The following ZNF704 variants were observed in gnomAD, a reference collection of about 807,000 sequenced individuals.
ZNF704 encodes glucocorticoid induced gene 1.
A neutral mutation model predicts 44.7 loss-of-function variants in ZNF704; 10 were observed. That is an observed-to-expected ratio of 0.22 (90% CI 0.14 to 0.38). The LOEUF (loss-of-function observed/expected upper bound fraction) is 0.38, where lower values mean the gene tolerates loss of function less well. Among genes scored for constraint, ZNF704 ranks in the 10% least tolerant of loss-of-function variants. The pLI is 1.00. For missense variants in ZNF704, 390 were observed against 545.5 expected (o/e 0.71, Z 2.84); for synonymous variants, 211 against 207.6 (o/e 1.02, Z -0.14).
intron 2 of ZNF704, among the ~76,000 whole-genome samples, chr8:80,720,257 T>A (rs1487867908): frequency 6.6e-6 from 1 of 152,236 alleles, no homozygotes; most frequent in Non-Finnish European, 1.5e-5. Flanking sequence ...CCTTTGGAAG[T>A]CATCCCTAAG....
rs1334503263 is a variant in ZNF704 at position 80,629,326 on chromosome 8, C to A, written c.*12040G>T. 1 of 152,140 alleles carries A rather than the reference C, an allele frequency of 6.6e-6. No homozygotes were observed. Among genetic ancestry groups the A allele is most frequent in the Non-Finnish European group, 1.5e-5 (1 of 68,024 alleles). 9.4% of individuals were successfully genotyped at this position (152,140 alleles called of 1,614,324 possible). A position where few individuals can be genotyped will look rare whatever the true frequency, so the allele number is the denominator to read the frequency against. On this transcript the variant is annotated 3_prime_UTR_variant, in exon 9 of 9. Coordinates refer to ENST00000327835, the MANE Select transcript of ZNF704 (RefSeq NM_001033723.3). Reference sequence around the variant, plus strand: ...TTTGGCTAAAAATCATATAAAAAGACACAATGCCCCTTCCCCAATAACTTC... The same window carrying A: ...TTTGGCTAAAAATCATATAAAAAGAAACAATGCCCCTTCCCCAATAACTTC...
At chr8:80,731,358 A>G (rs922964223) in intron 2 of ZNF704, among the ~76,000 whole-genome samples, 1 of 152,204 alleles carries the variant, frequency 6.6e-6, no homozygotes, top group African/African-American at 2.4e-5. Flanking sequence ...AGACCAAGGA[A>G]TGGTATATGT....
At chr8:80,824,021 C>T (rs1808325843) in intron 1 of ZNF704, among the ~76,000 whole-genome samples, 1 of 152,190 alleles carries the variant, frequency 6.6e-6, no homozygotes, top group Non-Finnish European at 1.5e-5. Flanking sequence ...CACCTCTTCT[C>T]CTCCAAAGAA....
At chr8:80,655,013 A>C (rs1278211201) in intron 7 of ZNF704, among the ~76,000 whole-genome samples, 1 of 152,228 alleles carries the variant, frequency 6.6e-6, no homozygotes, top group African/African-American at 2.4e-5. Flanking sequence ...ATGCAGCCAT[A>C]AAAAATGATG....
intron 2 of ZNF704, among the ~76,000 whole-genome samples, chr8:80,730,127 G>C (rs897484405): frequency 2.6e-5 from 4 of 152,138 alleles, no homozygotes; most frequent in African/African-American, 9.7e-5. Flanking sequence ...AGTCACATGA[G>C]AAGGAAATAG....
chr8:80,723,031 A>G (rs571609953), intron 2 of ZNF704, among the ~76,000 whole-genome samples: 1 of 152,380 alleles, frequency 6.6e-6, no homozygotes, highest in South Asian at 2.1e-4. Flanking sequence ...TAACCTAGAA[A>G]TAATATTTGA....
chr8:80,695,855 C>A (rs544038500), intron 2 of ZNF704, among the ~76,000 whole-genome samples: 1 of 152,096 alleles, frequency 6.6e-6, no homozygotes, highest in Non-Finnish European at 1.5e-5. Flanking sequence ...ATTTGGATTA[C>A]CTTTAAGTTT....
intron 2 of ZNF704, among the ~76,000 whole-genome samples, chr8:80,816,977 A>G (rs1357490952): frequency 6.6e-6 from 1 of 152,214 alleles, no homozygotes; most frequent in African/African-American, 2.4e-5. Context: ...CAAGAAACTC[A>G]GAAGAGAGGT....
Position 80,813,984 on chromosome 8 carries a change from C to T in ZNF704, c.221+7390G>A, listed in dbSNP as rs1435455802. 7 of 152,186 alleles carry T rather than the reference C, an allele frequency of 4.6e-5. No individual in the cohort carries two copies. In the East Asian group the frequency reaches 1.3e-3, roughly 29 times the overall value. The allele number at this position is 152,186 out of a possible 1,614,324, so 9.4% of individuals were successfully genotyped here. A position where few individuals can be genotyped will look rare whatever the true frequency, so the allele number is the denominator to read the frequency against. On this transcript the variant is annotated intron_variant, in intron 2 of 8. Coordinates refer to ENST00000327835, the MANE Select transcript of ZNF704 (RefSeq NM_001033723.3). ...GTTCTCATCTTACCTTACTACCTTC[C>T]TTCCCATTTTTATAGAACATTAGGA...
chr8:80,672,937 A>T (rs555809109), intron 4 of ZNF704, among the ~76,000 whole-genome samples: 5 of 152,052 alleles, frequency 3.3e-5, no homozygotes, highest in South Asian at 2.1e-4. Flanking sequence ...AAAAAAAAAA[A>T]TTTTGTAATA....
rs1383714335 is a variant in ZNF704 at position 80,687,302 on chromosome 8, G to C, written c.482C>G (p.Ala161Gly). ...CTCGTCGATGCCGTCGTCTGGCTGC[G>C]CGGGGCTGCGGAAGGGCTTGAAGCT... is the stretch of plus-strand genomic sequence containing the variant. The part of the protein sequence containing the change: ...ADSFKPFRSP[A>G]QPDDGIDEAE... The change falls in exon 4 of 9, where the codon GCG becomes GGG. Residue 161 changes from alanine to glycine, a missense_variant. By Grantham distance (60) the Ala-to-Gly change is moderately conservative. Around this residue, in one of 3 missense-constraint regions of ZNF704, gnomAD observed 305 missense variants for 435.7 expected, o/e 0.70. Coordinates refer to ENST00000327835, the MANE Select transcript of ZNF704 (RefSeq NM_001033723.3). The C allele has an allele frequency of 1.9e-6, 3 of 1,612,980 alleles. No homozygotes were observed. In the Admixed American group the frequency reaches 5.0e-5, roughly 27 times the overall value.
At chr8:80,648,453 G>A (rs749925158) in intron 7 of ZNF704, among the ~76,000 whole-genome samples, 4 of 152,324 alleles carry the variant, frequency 2.6e-5, no homozygotes, top group Non-Finnish European at 4.4e-5. Flanking sequence ...TTTAGTTGAG[G>A]ATGAGGGTGG....
chr8:80,641,756 G>A (rs1020755846), intron 8 of ZNF704, among the ~76,000 whole-genome samples: 24 of 152,098 alleles, frequency 1.6e-4, no homozygotes, highest in African/African-American at 5.6e-4. Flanking sequence ...AGCTACTCAG[G>A]AGGCTGAGGC....
rs375534486 is a variant in ZNF704 at position 80,779,286 on chromosome 8, G to A, written c.221+42088C>T. On this transcript the variant is annotated intron_variant, in intron 2 of 8. Coordinates refer to ENST00000327835, the MANE Select transcript of ZNF704 (RefSeq NM_001033723.3). The stretch of plus-strand genomic sequence containing the variant: ...TCATTTGTGTAGTTATTCTCCCCCA[G>A]GCTGGTGTGCAGTGGCACGATCTTG... Among the ~76,000 whole-genome samples the A allele has an allele frequency of 1.4e-4, 21 of 152,186 alleles. No homozygotes were observed. The East Asian group carries it at 3.3e-3, about 24-fold the overall frequency.
chr8:80,844,018 T>C (rs983170565), intron 1 of ZNF704, among the ~76,000 whole-genome samples: 1 of 151,098 alleles, frequency 6.6e-6, no homozygotes, highest in African/African-American at 2.4e-5. Flanking sequence ...TATGTGTGTG[T>C]CACTAAAAGT....
At chr8:80,657,142 A>G (rs962579819) in intron 7 of ZNF704, among the ~76,000 whole-genome samples, 5 of 151,960 alleles carry the variant, frequency 3.3e-5, no homozygotes, top group Non-Finnish European at 5.9e-5. Context: ...CCACCAGGAG[A>G]AGGAGGAGGA....
At chr8:80,726,177 G>A (rs73254816) in intron 2 of ZNF704, among the ~76,000 whole-genome samples, 1 of 151,974 alleles carries the variant, frequency 6.6e-6, no homozygotes, top group South Asian at 2.1e-4. Context: ...AACCAGTACA[G>A]AACCTCTTAC....
At chr8:80,756,058 G>A (rs1409095301) in intron 2 of ZNF704, among the ~76,000 whole-genome samples, 2 of 151,726 alleles carry the variant, frequency 1.3e-5, no homozygotes, top group South Asian at 4.2e-4. Context: ...GCAGTGAGAA[G>A]TGATCACGCC....
At position 80,862,791 on chromosome 8, in the gene ZNF704, A is replaced by G. The variant is rs572996839; in HGVS notation, c.-22+11780T>C. On this transcript the variant is annotated intron_variant, in intron 1 of 8. Coordinates refer to ENST00000327835, the MANE Select transcript of ZNF704 (RefSeq NM_001033723.3). ...AAAAAAAAAAAAAAAAAAAAAAAAA[A>G]GAATAAGGAGCTAAAAGAATTGTTG... Among the ~76,000 whole-genome samples the G allele has an allele frequency of 1.3e-4, 19 of 150,254 alleles. 1 individual carries two copies. In the East Asian group the frequency reaches 3.5e-3, roughly 28 times the overall value.
Sources: gnomAD v4.1 joint callset for allele counts (sites outside exome capture counted in the v4.1 genomes callset) on GRCh38, gnomAD v4.1.1 for gene constraint, gnomAD v4.1.1 regional missense constraint, MANE v1.5 for transcripts, NCBI Gene and HGNC (gene_info 2026-07-23, HGNC 2026-07-21) for gene names.